The following IRGM variants were observed in gnomAD, a reference collection of about 807,000 sequenced individuals.
IRGM encodes immunity related GTPase M.
For synonymous variants in IRGM, 98 were observed against 80.6 expected, an observed-to-expected ratio of 1.22 and a Z score of -1.16; for missense variants, 288 against 219.9, an observed-to-expected ratio of 1.31 and a Z score of -1.96.
chr5:150,891,457 T>A (rs187624633), intron 3 of IRGM, among the ~76,000 whole-genome samples: 35 of 152,228 alleles, frequency 2.3e-4, no homozygotes, highest in Non-Finnish European at 4.3e-4. Flanking sequence ...GACTATCATT[T>A]TGTTTTCTAT....
At chr5:150,878,174 T>C (rs1381314221) in intron 2 of IRGM, 1 of 329,654 alleles carries the variant, frequency 3.0e-6, no homozygotes, top group African/African-American at 5.6e-5. Context: ...TAGTAAACTT[T>C]TTTTTTTGTT....
At chr5:150,891,306 A>G (rs913107869) in intron 3 of IRGM, among the ~76,000 whole-genome samples, 1 of 151,996 alleles carries the variant, frequency 6.6e-6, no homozygotes, top group Non-Finnish European at 1.5e-5. Context: ...TTTACTTTGA[A>G]TCCATTTATG....
chr5:150,886,911 A>G (rs1048698603), intron 3 of IRGM, among the ~76,000 whole-genome samples: 3 of 151,702 alleles, frequency 2.0e-5, no homozygotes, highest in South Asian at 2.1e-4. Flanking sequence ...CCTTCAGTTC[A>G]GCTCTGATTT....
At chr5:150,887,875 C>A (rs936512763) in intron 3 of IRGM, among the ~76,000 whole-genome samples, 1 of 151,906 alleles carries the variant, frequency 6.6e-6, no homozygotes, top group Non-Finnish European at 1.5e-5. Context: ...ATACAGAGAC[C>A]AGTAACACTA....
At chr5:150,895,539 T>G in intron 3 of IRGM, 1 of 1,613,648 alleles carries the variant, frequency 6.2e-7, no homozygotes, top group Non-Finnish European at 8.5e-7. Context: ...AATCCTCTGA[T>G]GTAAAACAAG....
At position 150,846,840 on chromosome 5, in the gene IRGM, C is replaced by T. The variant is rs1309730631; in HGVS notation, c.-796C>T. On this transcript the variant is annotated 5_prime_UTR_variant, in exon 1 of 2. Coordinates refer to ENST00000522154, the MANE Select transcript of IRGM (RefSeq NM_001145805.2). ...ATCCAAACATCAGAAGGAACAAACT[C>T]CGGACACGCAGCCTTTAAGAATTGT... 1 of 153,306 alleles carries T rather than the reference C, an allele frequency of 6.5e-6. No homozygotes were observed. Among genetic ancestry groups the T allele is most frequent in the Non-Finnish European group, 1.4e-5 (1 of 68,972 alleles). 9.5% of individuals were successfully genotyped at this position (153,306 alleles called of 1,614,324 possible).
chr5:150,890,864 C>G lies in IRGM; in HGVS notation c.*141-9725C>G, dbSNP rs546195754. On this transcript the variant is annotated intron_variant and NMD_transcript_variant, in intron 3 of 3. Coordinates refer to the IRGM transcript ENST00000520549. ...CACCTTACCTTTTAAATTTATTGCT[C>G]TGTCTTGGTAAATGCTTCACATGGA... Among the ~76,000 whole-genome samples the G allele has an allele frequency of 5.3e-5, 8 of 152,122 alleles. No individual in the cohort carries two copies. The East Asian group carries it at 1.4e-3, about 26-fold the overall frequency.
intron 3 of IRGM, among the ~76,000 whole-genome samples, chr5:150,886,336 G>A (rs1754522249): frequency 1.3e-5 from 2 of 151,724 alleles, no homozygotes; most frequent in South Asian, 4.1e-4. Flanking sequence ...GCATCAATGT[G>A]TATCAATATT....
chr5:150,848,815 G>T (rs1753929735), downstream of IRGM: 1 of 642,058 alleles, frequency 1.6e-6, no homozygotes, highest in East Asian at 2.8e-5. Flanking sequence ...GTTGTTCTTT[G>T]AGATCTTTTG....
intron 1 of IRGM, among the ~76,000 whole-genome samples, chr5:150,855,684 T>C (rs977612384): frequency 6.6e-6 from 1 of 152,188 alleles, no homozygotes; most frequent in Non-Finnish European, 1.5e-5. Context: ...AGGAATGACA[T>C]AGGGGCTCTT....
Position 150,875,923 on chromosome 5 carries a change from G to A in IRGM, c.159-2057G>A, listed in dbSNP as rs551048840. 3.0e-4 allele frequency among the ~76,000 whole-genome samples: 46 copies of A among 152,278 alleles called. No individual in the cohort carries two copies. In the South Asian group the frequency reaches 9.5e-3, roughly 32 times the overall value. Reference sequence around the variant, plus strand: ...GAATAGACACTTACTCTGGATATGGGTTTGCCTATCCTGTGTACAATGCTT... The same window carrying A: ...GAATAGACACTTACTCTGGATATGGATTTGCCTATCCTGTGTACAATGCTT... On this transcript the variant is annotated intron_variant and NMD_transcript_variant, in intron 1 of 3. Transcript: ENST00000520549.
intron 1 of IRGM, among the ~76,000 whole-genome samples, chr5:150,860,377 G>A (rs1218654230): frequency 6.6e-6 from 1 of 152,174 alleles, no homozygotes; most frequent in Admixed American, 6.5e-5. Context: ...TAATCTTTGA[G>A]TTTCAGTTCT....
At chr5:150,897,018 A>G in intron 3 of IRGM, 1 of 1,461,012 alleles carries the variant, frequency 6.8e-7, no homozygotes, top group South Asian at 1.3e-5. Context: ...ACAAGAGTCA[A>G]TTAAGAGGGT....
chr5:150,892,892 G>A (rs1561752839), intron 3 of IRGM, among the ~76,000 whole-genome samples: 2 of 151,992 alleles, frequency 1.3e-5, no homozygotes, highest in African/African-American at 2.4e-5. Flanking sequence ...TTACGGACAT[G>A]AGCCACAATT....
chr5:150,897,873 C>CATAT (rs112293233), intron 3 of IRGM: 3 of 576,958 alleles, frequency 5.2e-6, no homozygotes, highest in Non-Finnish European at 5.5e-6. Context: ...CAAATATAAA[C>CATAT]ATATATATAT....
chr5:150,878,633 TGTA>T (rs576299104), intron 2 of IRGM, among the ~76,000 whole-genome samples: 10 of 152,224 alleles, frequency 6.6e-5, no homozygotes, highest in African/African-American at 2.2e-4. Context: ...TTTGTAGAAT[TGTA>T]GTAAAACTGA....
intron 1 of IRGM, among the ~76,000 whole-genome samples, chr5:150,870,978 C>T (rs1581646535): frequency 1.3e-5 from 2 of 149,188 alleles, no homozygotes; most frequent in East Asian, 3.9e-4. Flanking sequence ...TAAATTCCCA[C>T]CAAAAAAAAA....
At chr5:150,901,025 A>T (rs1422065467), downstream of IRGM, among the ~76,000 whole-genome samples, 1 of 152,106 alleles carries the variant, frequency 6.6e-6, no homozygotes, top group African/African-American at 2.4e-5. Flanking sequence ...TGGAAGTGCT[A>T]TTAAGTGATG....
intron 3 of IRGM, chr5:150,896,938 T>TACATGACTGGGAGTTGTGA (rs771346134): frequency 7.4e-6 from 12 of 1,612,678 alleles, no homozygotes; most frequent in Non-Finnish European, 1.0e-5. Context: ...GTCCCCAAAA[T>TACATGACTGGGAGTTGTGA]ACATGACTGG....
Sources: gnomAD v4.1 joint callset for allele counts (sites outside exome capture counted in the v4.1 genomes callset) on GRCh38, gnomAD v4.1.1 for gene constraint, MANE v1.5 for transcripts, NCBI Gene and HGNC (gene_info 2026-07-23, HGNC 2026-07-21) for gene names.